Variants in ANO4 observed in about 807,000 individuals in gnomAD.
The protein encoded by ANO4 is anoctamin-4.
ANO4 carries 69 observed loss-of-function variants against 141.9 expected under a neutral mutation model. The observed-to-expected ratio is 0.49, with a 90% CI of 0.40 to 0.59. The LOEUF is 0.59. ANO4 is among the 20% of genes least tolerant of loss of function. The pLI, the probability that ANO4 is intolerant of heterozygous loss-of-function variation, is 0.00. For missense variants in ANO4, 894 were observed against 1,162.2 expected, an observed-to-expected ratio of 0.77 and a Z score of 3.36; for synonymous variants, 350 against 394.3, an observed-to-expected ratio of 0.89 and a Z score of 1.33.
chr12:100,977,211 G>T (rs1239198298), intron 7 of ANO4, among the ~76,000 whole-genome samples: 1 of 152,028 alleles, frequency 6.6e-6, no homozygotes, highest in Admixed American at 6.6e-5. Context: ...TTGCAGAAGG[G>T]TATCCTTCTA....
chr12:100,939,167 T>C (rs528743971), intron 3 of ANO4, 148 bp from the exon 4 acceptor site: 18 of 798,524 alleles, frequency 2.3e-5, no homozygotes, highest in Non-Finnish European at 3.5e-5. Flanking sequence ...TGACATACTT[T>C]TCTTTTAGGA....
intron 1 of ANO4, among the ~76,000 whole-genome samples, chr12:100,837,138 A>T (rs1168038795): frequency 6.6e-6 from 1 of 152,194 alleles, no homozygotes; most frequent in Non-Finnish European, 1.5e-5. Context: ...GATAAATAAC[A>T]ATAAATGAAA....
At chr12:100,902,183 A>G (rs1408367368) in intron 2 of ANO4, among the ~76,000 whole-genome samples, 1 of 152,168 alleles carries the variant, frequency 6.6e-6, no homozygotes, top group African/African-American at 2.4e-5. Context: ...TTGCTCTAAG[A>G]TTGGTCAGGA....
At chr12:100,996,397 A>G (rs1036833542) in intron 8 of ANO4, among the ~76,000 whole-genome samples, 11 of 152,158 alleles carry the variant, frequency 7.2e-5, no homozygotes, top group African/African-American at 2.4e-4. Context: ...AGAATGGGAA[A>G]ATGTTGGCTG....
chr12:100,989,551 GTGGATGGATGGATGGATGGATGGA>G (rs377197749), intron 8 of ANO4, among the ~76,000 whole-genome samples: 1 of 144,538 alleles, frequency 6.9e-6, no homozygotes, highest in Non-Finnish European at 1.5e-5. Context: ...GGGTGGGTGG[GTGGATGGATGGATGGATGGATGGA>G]TGGATGGATG....
At chr12:101,018,085 C>T (rs2046384446) in intron 8 of ANO4, among the ~76,000 whole-genome samples, 1 of 152,204 alleles carries the variant, frequency 6.6e-6, no homozygotes, top group Non-Finnish European at 1.5e-5. Context: ...AGTTGTGCTT[C>T]TCAGCTTTCA....
At chr12:100,985,980 G>C (rs1009223525) in intron 7 of ANO4, among the ~76,000 whole-genome samples, 1 of 152,198 alleles carries the variant, frequency 6.6e-6, no homozygotes, top group East Asian at 1.9e-4. Flanking sequence ...AATGTTTCCA[G>C]AAGAGATTAG....
intron 1 of ANO4, among the ~76,000 whole-genome samples, chr12:100,829,511 C>A (rs1342919487): frequency 6.6e-6 from 1 of 152,046 alleles, no homozygotes; most frequent in Non-Finnish European, 1.5e-5. Context: ...TTGAACTGGA[C>A]TTTTTCCTCC....
chr12:100,901,890 C>T (rs749573877), intron 2 of ANO4, 50 bp downstream of exon 2: 7 of 1,452,232 alleles, frequency 4.8e-6, no homozygotes, highest in Non-Finnish European at 6.5e-6. Context: ...GCAACCTGAC[C>T]ACAGTCTGCA....
intron 2 of ANO4, among the ~76,000 whole-genome samples, chr12:100,737,322 T>A (rs929543655): frequency 2.0e-5 from 3 of 152,278 alleles, no homozygotes; most frequent in African/African-American, 7.2e-5. Flanking sequence ...GACCTGACAA[T>A]GATCACAGGG....
intron 24 of ANO4, among the ~76,000 whole-genome samples, chr12:101,111,994 G>A (rs1327288198): frequency 2.0e-5 from 3 of 152,104 alleles, no homozygotes; most frequent in Non-Finnish European, 1.5e-5. Flanking sequence ...CCCCACCCCT[G>A]ACCTCTGCCC....
intron 2 of ANO4, among the ~76,000 whole-genome samples, chr12:100,736,756 C>T (rs1158671048): frequency 6.6e-6 from 1 of 152,106 alleles, no homozygotes; most frequent in African/African-American, 2.4e-5. Flanking sequence ...GGAAGAGACA[C>T]AGAGACCATA....
chr12:100,792,540 TC>T (rs2034081853), upstream of ANO4, among the ~76,000 whole-genome samples: 1 of 152,228 alleles, frequency 6.6e-6, no homozygotes, highest in African/African-American at 2.4e-5. Flanking sequence ...GTTGTTGCTA[TC>T]TGAAATGGGA....
intron 3 of ANO4, among the ~76,000 whole-genome samples, chr12:100,757,718 T>C (rs2032675180): frequency 6.6e-6 from 1 of 152,242 alleles, no homozygotes; most frequent in East Asian, 1.9e-4. Flanking sequence ...CCTACTGTTC[T>C]TTGTTCTTCT....
chr12:100,795,165 T>C (rs2034228522), intron 1 of ANO4, 138 bp downstream of exon 1: 1 of 152,708 alleles, frequency 6.5e-6, no homozygotes, highest in Non-Finnish European at 1.5e-5. Flanking sequence ...ATGATCCAGC[T>C]TCAAAAATGC....
At chr12:100,929,477 T>C (rs1174551005) in intron 3 of ANO4, among the ~76,000 whole-genome samples, 1 of 152,184 alleles carries the variant, frequency 6.6e-6, no homozygotes, top group Non-Finnish European at 1.5e-5. Context: ...TAGTACTGCA[T>C]TGTGTATATG....
intron 17 of ANO4, among the ~76,000 whole-genome samples, chr12:101,087,453 G>T (rs2049553477): frequency 6.6e-6 from 1 of 152,128 alleles, no homozygotes; most frequent in African/African-American, 2.4e-5. Context: ...GTTCAGGAAA[G>T]TGAAGGCTTC....
At chr12:100,773,245 C>T (rs1023286573) in intron 3 of ANO4, among the ~76,000 whole-genome samples, 2 of 152,174 alleles carry the variant, frequency 1.3e-5, no homozygotes, top group African/African-American at 2.4e-5. Flanking sequence ...GTCATGAAGG[C>T]TGAGCCCCAT....
intron 3 of ANO4, among the ~76,000 whole-genome samples, chr12:100,742,573 T>C (rs948140589): frequency 2.6e-5 from 4 of 152,170 alleles, no homozygotes; most frequent in Non-Finnish European, 5.9e-5. Flanking sequence ...TTTGGACTGA[T>C]ATAGAGGAGC....
Sources: gnomAD v4.1 joint callset for allele counts (sites outside exome capture counted in the v4.1 genomes callset) on GRCh38, gnomAD v4.1.1 for gene constraint, MANE v1.5 for transcripts, NCBI Gene and HGNC (gene_info 2026-07-23, HGNC 2026-07-21) for gene names.